The following SNTG1 variants were observed in gnomAD, a reference collection of about 807,000 sequenced individuals.
The protein encoded by SNTG1 is gamma-1-syntrophin.
A neutral mutation model predicts 74.7 loss-of-function variants in SNTG1; 39 were observed. The observed-to-expected ratio is 0.52, with a 90% CI of 0.40 to 0.68. The LOEUF (loss-of-function observed/expected upper bound fraction) is 0.68, where lower values mean the gene tolerates loss of function less well. Among genes scored for constraint, SNTG1 ranks in the 30% least tolerant of loss-of-function variants. The probability of loss-of-function intolerance (pLI) is 0.00; values close to 1 mark genes in which losing one functional copy is unlikely to be tolerated. For synonymous variants in SNTG1, 254 were observed against 217.1 expected (o/e 1.17, Z -1.49); for missense variants, 685 against 609.5 (o/e 1.12, Z -1.30).
chr8:50,154,864 TG>T (rs920147541), intron 1 of SNTG1, among the ~76,000 whole-genome samples: 2 of 152,126 alleles, frequency 1.3e-5, no homozygotes, highest in Admixed American at 6.5e-5. Flanking sequence ...AAGACATTAG[TG>T]GAAAAAAGGT....
At chr8:50,411,835 C>A (rs988500962) in intron 4 of SNTG1, among the ~76,000 whole-genome samples, 41 of 152,228 alleles carry the variant, frequency 2.7e-4, no homozygotes, top group African/African-American at 9.6e-4. Flanking sequence ...TCACCGGATC[C>A]CCTGGTGGTG....
Position 50,194,411 on chromosome 8 carries a change from C to A in SNTG1, c.-28+21776C>A, listed in dbSNP as rs184376927. The stretch of plus-strand genomic sequence containing the variant: ...ATTTAAGCCAGGAAGTTGTATTTTT[C>A]CAGGAATTACTCATCTCTTCTAGAT... On this transcript the variant is annotated intron_variant, in intron 2 of 18. Coordinates refer to ENST00000642720, the MANE Select transcript of SNTG1 (RefSeq NM_018967.5). 1.2e-4 allele frequency among the ~76,000 whole-genome samples: 19 copies of A among 152,070 alleles called. No homozygotes were observed. In the East Asian group the frequency reaches 3.7e-3, roughly 29 times the overall value.
intron 13 of SNTG1, among the ~76,000 whole-genome samples, chr8:50,621,086 T>A (rs2094920362): frequency 6.6e-6 from 1 of 150,850 alleles, no homozygotes; most frequent in Admixed American, 6.6e-5. Flanking sequence ...TTTTGAGATG[T>A]GGTTAGAGTT....
intron 8 of SNTG1, among the ~76,000 whole-genome samples, chr8:50,484,213 C>CTCCT (rs1223813488): frequency 9.2e-6 from 1 of 109,010 alleles, no homozygotes; most frequent in Non-Finnish European, 1.8e-5. Context: ...TCCTTCCTTC[C>CTCCT]TTCTTTCTTT....
intron 12 of SNTG1, among the ~76,000 whole-genome samples, chr8:50,583,623 A>G (rs1475405768): frequency 6.6e-6 from 1 of 152,008 alleles, no homozygotes; most frequent in Non-Finnish European, 1.5e-5. Context: ...TTATGCAGTA[A>G]TACGAATTTT....
At chr8:50,639,429 A>G (rs958237536) in intron 13 of SNTG1, among the ~76,000 whole-genome samples, 5 of 151,976 alleles carry the variant, frequency 3.3e-5, no homozygotes, top group Non-Finnish European at 5.9e-5. Context: ...TTTTCTATGA[A>G]CTTGTTTAGG....
At chr8:50,630,494 C>T (rs186215636) in intron 13 of SNTG1, among the ~76,000 whole-genome samples, 8 of 152,274 alleles carry the variant, frequency 5.3e-5, no homozygotes, top group Admixed American at 5.2e-4. Context: ...TTGAGCTATA[C>T]TTTGTCTTTT....
chr8:50,428,572 A>G (rs914765285), intron 4 of SNTG1, among the ~76,000 whole-genome samples: 2 of 152,204 alleles, frequency 1.3e-5, no homozygotes, highest in African/African-American at 4.8e-5. Context: ...CTTAAGTCAC[A>G]TATGAAGGAC....
intron 1 of SNTG1, among the ~76,000 whole-genome samples, chr8:49,922,119 T>C (rs1806599844): frequency 6.6e-6 from 1 of 152,108 alleles, no homozygotes. Flanking sequence ...TTAGTAGACT[T>C]TATATCTCAC....
chr8:50,480,014 T>C (rs1444577622), intron 8 of SNTG1, among the ~76,000 whole-genome samples: 1 of 152,176 alleles, frequency 6.6e-6, no homozygotes, highest in African/African-American at 2.4e-5. Context: ...CTGTGGAGAC[T>C]TTAAAATAGT....
chr8:50,074,138 G>A (rs946491118), intron 1 of SNTG1, among the ~76,000 whole-genome samples: 2 of 152,018 alleles, frequency 1.3e-5, no homozygotes, highest in African/African-American at 4.8e-5. Flanking sequence ...AAAATCTGTT[G>A]TTTAGTGTAA....
intron 2 of SNTG1, among the ~76,000 whole-genome samples, chr8:50,222,931 T>A (rs946409439): frequency 5.9e-5 from 9 of 151,942 alleles, no homozygotes; most frequent in African/African-American, 1.9e-4. Flanking sequence ...TAAAAATAAA[T>A]CACTCATAGG....
chr8:50,690,232 T>G (rs76854901), intron 15 of SNTG1, among the ~76,000 whole-genome samples: 3 of 152,218 alleles, frequency 2.0e-5, no homozygotes, highest in Non-Finnish European at 4.4e-5. Flanking sequence ...AAGGTTTTTT[T>G]GTGTCTCTAT....
Position 50,443,897 on chromosome 8 carries a change from G to T in SNTG1, c.219+5298G>T, listed in dbSNP as rs930048259. On this transcript the variant is annotated intron_variant, in intron 5 of 18. Coordinates refer to ENST00000642720, the MANE Select transcript of SNTG1 (RefSeq NM_018967.5). ...GCCTGTAATCCCAGGACTTTAGGAG[G>T]CCAAGGCAGGCGGATCATTTGAGGT... Among the ~76,000 whole-genome samples, 4 of 152,032 alleles carry T rather than the reference G, an allele frequency of 2.6e-5. No individual in the cohort carries two copies. The East Asian group carries it at 7.7e-4, about 29-fold the overall frequency.
chr8:50,564,552 T>C (rs1475533765), intron 12 of SNTG1, among the ~76,000 whole-genome samples: 1 of 152,092 alleles, frequency 6.6e-6, no homozygotes, highest in Non-Finnish European at 1.5e-5. Context: ...CTCAAAGGGA[T>C]GAAAGCCCCT....
intron 11 of SNTG1, among the ~76,000 whole-genome samples, chr8:50,537,727 T>C (rs2094318001): frequency 6.6e-6 from 1 of 152,178 alleles, no homozygotes; most frequent in Non-Finnish European, 1.5e-5. Context: ...GAAACTTTCC[T>C]GTAAAGAGCT....
At chr8:50,432,939 A>C (rs1346738736) in intron 4 of SNTG1, among the ~76,000 whole-genome samples, 1 of 151,796 alleles carries the variant, frequency 6.6e-6, no homozygotes, top group Non-Finnish European at 1.5e-5. Flanking sequence ...TACAGCGCAC[A>C]TCTCCATGCT....
At chr8:50,371,904 C>A (rs1352563505) in intron 2 of SNTG1, among the ~76,000 whole-genome samples, 1 of 152,042 alleles carries the variant, frequency 6.6e-6, no homozygotes, top group South Asian at 2.1e-4. Context: ...TATTTTTTTA[C>A]TGTCAGGCTT....
chr8:49,921,508 G>C (rs1032700941), intron 1 of SNTG1, among the ~76,000 whole-genome samples: 6 of 152,124 alleles, frequency 3.9e-5, no homozygotes, highest in African/African-American at 1.4e-4. Context: ...AGATAGTAGG[G>C]ATCAGAAGGG....
Sources: gnomAD v4.1 joint callset for allele counts (sites outside exome capture counted in the v4.1 genomes callset) on GRCh38, gnomAD v4.1.1 for gene constraint, MANE v1.5 for transcripts, NCBI Gene and HGNC (gene_info 2026-07-23, HGNC 2026-07-21) for gene names.